Variants in SPAG16 observed in about 807,000 individuals in gnomAD.
SPAG16 encodes sperm-associated antigen 16 protein.
In SPAG16, 86 loss-of-function variants were observed where a neutral mutation model predicts 80.4. That is an observed-to-expected ratio of 1.07 (90% CI 0.90 to 1.28). The LOEUF is 1.28. Among genes scored for constraint, SPAG16 ranks in the 50% most tolerant of loss-of-function variants. SPAG16 has a pLI of 0.00. For synonymous variants in SPAG16, 294 were observed against 265.9 expected (o/e 1.11, Z -1.03); for missense variants, 870 against 765.3 (o/e 1.14, Z -1.61).
At chr2:213,384,928 C>G (rs79208033) in intron 9 of SPAG16, among the ~76,000 whole-genome samples, 8,149 of 152,236 alleles carry the variant, frequency 0.054, 701 homozygotes, top group African/African-American at 0.18. Flanking sequence ...TGTTCTTTTC[C>G]ATAATTGTGC....
Position 213,874,979 on chromosome 2 carries a change from G to A in SPAG16, c.1214+12351G>A, listed in dbSNP as rs985074881. Among the ~76,000 whole-genome samples the A allele has an allele frequency of 4.1e-4, 62 of 152,212 alleles. 1 individual carries two copies. The highest frequency in any genetic ancestry group is 1.4e-3 in the African/African-American group (60 of 41,530). On this transcript the variant is annotated intron_variant, in intron 11 of 15. Transcript: ENST00000331683. ...TTTTTAAGAAAGAGAATCTTGCTCT[G>A]TTGCCCTGGTTGGAGTGCAGTGGTG...
chr2:214,101,582 G>C (rs529615161), intron 13 of SPAG16, among the ~76,000 whole-genome samples: 3 of 152,066 alleles, frequency 2.0e-5, no homozygotes, highest in Non-Finnish European at 4.4e-5. Flanking sequence ...CCCATGGAGG[G>C]TTAGGAGGTG....
At chr2:213,760,913 T>C (rs1037388965) in intron 10 of SPAG16, among the ~76,000 whole-genome samples, 2 of 152,210 alleles carry the variant, frequency 1.3e-5, no homozygotes, top group Non-Finnish European at 2.9e-5. Flanking sequence ...TGAACTTGTT[T>C]ATAACTACCC....
At chr2:213,703,159 C>G (rs2065572610) in intron 10 of SPAG16, among the ~76,000 whole-genome samples, 1 of 152,184 alleles carries the variant, frequency 6.6e-6, no homozygotes, top group East Asian at 1.9e-4. Context: ...GACAGAGCTG[C>G]AGCCAACCAA....
chr2:213,646,701 C>A (rs1333196531), intron 10 of SPAG16, among the ~76,000 whole-genome samples: 22 of 152,102 alleles, frequency 1.4e-4, no homozygotes, highest in Admixed American at 1.4e-3. Flanking sequence ...CTTTGGAAAG[C>A]AGTTAGATAT....
intron 15 of SPAG16, among the ~76,000 whole-genome samples, chr2:214,347,558 T>G (rs1173610649): frequency 1.3e-5 from 2 of 152,120 alleles, no homozygotes; most frequent in Non-Finnish European, 2.9e-5. Context: ...ATAGATCACC[T>G]CAGTTAAACA....
Position 214,367,808 on chromosome 2 carries a change from T to C in SPAG16, c.1721-42332T>C, listed in dbSNP as rs535186695. On this transcript the variant is annotated intron_variant, in intron 15 of 15. Coordinates refer to ENST00000331683, the MANE Select transcript of SPAG16 (RefSeq NM_024532.5). ...TCATGCTGTATCACCCAGCTCCACT[T>C]TTTTTCCTTGAAGAAAATTCTGTTG... 2.0e-5 allele frequency among the ~76,000 whole-genome samples: 3 copies of C among 152,256 alleles called. No individual in the cohort carries two copies. The East Asian group carries it at 5.8e-4, about 29-fold the overall frequency.
At chr2:213,654,179 C>G (rs1305549476) in intron 10 of SPAG16, among the ~76,000 whole-genome samples, 1 of 152,078 alleles carries the variant, frequency 6.6e-6, no homozygotes, top group Admixed American at 6.6e-5. Flanking sequence ...ATTCACTTAT[C>G]TAAATACCAC....
At chr2:213,613,965 T>C (rs993763741) in intron 10 of SPAG16, among the ~76,000 whole-genome samples, 3 of 152,214 alleles carry the variant, frequency 2.0e-5, no homozygotes, top group African/African-American at 7.2e-5. Flanking sequence ...TCAATCTCTT[T>C]GTCACACAGT....
At chr2:214,373,995 A>T (rs1005586337) in intron 15 of SPAG16, among the ~76,000 whole-genome samples, 6 of 152,192 alleles carry the variant, frequency 3.9e-5, no homozygotes, top group African/African-American at 1.4e-4. Context: ...TGTCAGTCTA[A>T]TGAAAGCCAA....
Position 214,410,430 on chromosome 2 carries a change from G to C in SPAG16, c.*115G>C. ...TGCCAGCAGGTAACATTTACAGTCT[G>C]CTTTAAAACATGCTTTGGACATATA... On this transcript the variant is annotated 3_prime_UTR_variant, in exon 16 of 16. Coordinates refer to ENST00000331683, the MANE Select transcript of SPAG16 (RefSeq NM_024532.5). 1.0e-6 allele frequency: 1 copy of C among 967,092 alleles called. No homozygotes were observed. The highest frequency in any genetic ancestry group is 1.5e-6 in the Non-Finnish European group (1 of 661,052). The allele number at this position is 967,092 out of a possible 1,614,324, so 59.9% of individuals were successfully genotyped here.
At chr2:214,378,952 T>A (rs192017665) in intron 15 of SPAG16, among the ~76,000 whole-genome samples, 1 of 152,186 alleles carries the variant, frequency 6.6e-6, no homozygotes, top group Non-Finnish European at 1.5e-5. Flanking sequence ...AGGCTTAGAC[T>A]GGCAGTTAGA....
chr2:214,147,013 AAAAAT>A, intron 14 of SPAG16, among the ~76,000 whole-genome samples: 1 of 93,168 alleles, frequency 1.1e-5, no homozygotes. Context: ...AAAAAAAAAA[AAAAAT>A]TTTCATATTC....
At chr2:213,991,625 G>A (rs1007970244) in intron 12 of SPAG16, among the ~76,000 whole-genome samples, 5 of 152,094 alleles carry the variant, frequency 3.3e-5, no homozygotes, top group African/African-American at 1.2e-4. Flanking sequence ...TGCTCTGACT[G>A]CTAGGGATGA....
At chr2:214,068,100 G>T (rs1427846768) in intron 13 of SPAG16, among the ~76,000 whole-genome samples, 2 of 151,988 alleles carry the variant, frequency 1.3e-5, no homozygotes, top group Non-Finnish European at 2.9e-5. Flanking sequence ...ACTATCACTG[G>T]CTCCTAAGAC....
At chr2:213,628,352 A>G (rs528269547) in intron 10 of SPAG16, among the ~76,000 whole-genome samples, 14 of 152,318 alleles carry the variant, frequency 9.2e-5, no homozygotes, top group African/African-American at 2.9e-4. Flanking sequence ...AGCAAATTCT[A>G]TCCATTTATG....
intron 14 of SPAG16, among the ~76,000 whole-genome samples, chr2:214,112,774 G>T (rs551298106): frequency 6.6e-6 from 1 of 151,062 alleles, no homozygotes; most frequent in East Asian, 2.0e-4. Context: ...ATTCTTTATC[G>T]AACTTGCCAG....
chr2:214,121,507 G>T (rs1184271090), intron 14 of SPAG16, among the ~76,000 whole-genome samples: 2 of 151,742 alleles, frequency 1.3e-5, no homozygotes, highest in African/African-American at 4.8e-5. Context: ...TAAGACATAT[G>T]ATCTTGAGCA....
intron 10 of SPAG16, among the ~76,000 whole-genome samples, chr2:213,840,524 G>A (rs953603366): frequency 1.3e-5 from 2 of 152,034 alleles, no homozygotes; most frequent in African/African-American, 4.8e-5. Context: ...TAGAAAGTTC[G>A]ATCACTGCTA....
Sources: gnomAD v4.1 joint callset for allele counts (sites outside exome capture counted in the v4.1 genomes callset) on GRCh38, gnomAD v4.1.1 for gene constraint, MANE v1.5 for transcripts, NCBI Gene and HGNC (gene_info 2026-07-23, HGNC 2026-07-21) for gene names.